Variants in RIMS2 observed in about 807,000 individuals in gnomAD.
RIMS2 encodes the protein regulating synaptic membrane exocytosis protein 2.
In RIMS2, 59 loss-of-function variants were observed where a neutral mutation model predicts 174.4. The observed-to-expected ratio is 0.34, with a 90% confidence interval of 0.27 to 0.42. The LOEUF (loss-of-function observed/expected upper bound fraction) is 0.42. RIMS2 is among the 10% of genes least tolerant of loss of function. The pLI, the probability that RIMS2 is intolerant of heterozygous loss-of-function variation, is 1.00. For synonymous variants in RIMS2, 606 were observed against 572.5 expected, an observed-to-expected ratio of 1.06 and a Z score of -0.84; for missense variants, 1,620 against 1,666.3, an observed-to-expected ratio of 0.97 and a Z score of 0.48.
At chr8:104,076,158 A>G (rs1016831807) in intron 19 of RIMS2, among the ~76,000 whole-genome samples, 1 of 152,232 alleles carries the variant, frequency 6.6e-6, no homozygotes, top group Non-Finnish European at 1.5e-5. Flanking sequence ...ACGAGATGCT[A>G]ATGGTAATCT....
intron 19 of RIMS2, among the ~76,000 whole-genome samples, chr8:104,142,120 C>CTTTTTTTTT (rs71297257): frequency 7.6e-6 from 1 of 131,996 alleles, no homozygotes; most frequent in African/African-American, 2.9e-5. Context: ...AAATATCTTC[C>CTTTTTTTTT]TTTTTTTTTT....
intron 3 of RIMS2, among the ~76,000 whole-genome samples, chr8:103,783,198 C>T (rs1173981482): frequency 6.6e-6 from 1 of 151,960 alleles, no homozygotes; most frequent in Non-Finnish European, 1.5e-5. Flanking sequence ...TGCCCTCAGC[C>T]CTTAGGGGCT....
At chr8:104,006,610 C>T (rs1026389464) in intron 17 of RIMS2, among the ~76,000 whole-genome samples, 28 of 149,126 alleles carry the variant, frequency 1.9e-4, no homozygotes, top group Non-Finnish European at 2.7e-4. Flanking sequence ...TTCAAGCTAA[C>T]TTGAGAGTGA....
At chr8:104,247,125 A>G (rs2140144618) in intron 20 of RIMS2, among the ~76,000 whole-genome samples, 1 of 152,312 alleles carries the variant, frequency 6.6e-6, no homozygotes, top group African/African-American at 2.4e-5. Flanking sequence ...CAGATTCTGA[A>G]TGTATTTTGA....
At chr8:103,512,604 C>A (rs1395787138) in intron 1 of RIMS2, among the ~76,000 whole-genome samples, 1 of 151,726 alleles carries the variant, frequency 6.6e-6, no homozygotes, top group Non-Finnish European at 1.5e-5. Flanking sequence ...ATTTTGTTGG[C>A]CAAAGCAAAT....
intron 2 of RIMS2, among the ~76,000 whole-genome samples, chr8:103,697,719 C>A (rs1336891207): frequency 1.3e-5 from 2 of 151,956 alleles, no homozygotes; most frequent in African/African-American, 4.8e-5. Context: ...CAGAGTGAAA[C>A]CTTGTCTCAA....
chr8:103,584,010 G>A (rs1012219520), intron 1 of RIMS2, among the ~76,000 whole-genome samples: 4 of 152,092 alleles, frequency 2.6e-5, no homozygotes, highest in African/African-American at 9.7e-5. Context: ...TATTTAAACA[G>A]ATTTAAACTA....
At chr8:103,743,555 G>A (rs985332575) in intron 2 of RIMS2, among the ~76,000 whole-genome samples, 4 of 64,052 alleles carry the variant, frequency 6.2e-5, no homozygotes, top group East Asian at 7.1e-4. Context: ...CGTATAATTA[G>A]CATCTATATT....
chr8:103,531,651 AT>A (rs1226090164), intron 1 of RIMS2, among the ~76,000 whole-genome samples: 1 of 152,244 alleles, frequency 6.6e-6, no homozygotes, highest in Non-Finnish European at 1.5e-5. Flanking sequence ...TCAAAAGAAT[AT>A]GACTCATAAA....
chr8:103,568,542 G>T, intron 1 of RIMS2: 1 of 432,204 alleles, frequency 2.3e-6, no homozygotes, highest in Admixed American at 2.9e-5. Flanking sequence ...AGTATTCACT[G>T]GTGCTATAAG....
chr8:103,770,573 T>C (rs1332169558), intron 3 of RIMS2, among the ~76,000 whole-genome samples: 19 of 151,886 alleles, frequency 1.3e-4, no homozygotes, highest in Admixed American at 1.2e-3. Flanking sequence ...CGAAACTCTG[T>C]CTCAAAAAAA....
At chr8:103,554,137 T>C (rs549425568) in intron 1 of RIMS2, among the ~76,000 whole-genome samples, 2 of 152,096 alleles carry the variant, frequency 1.3e-5, no homozygotes, top group East Asian at 3.9e-4. Flanking sequence ...ACATAGGCCC[T>C]GGTGAAGATT....
At chr8:103,801,678 A>G (rs1215665392) in intron 3 of RIMS2, among the ~76,000 whole-genome samples, 1 of 152,140 alleles carries the variant, frequency 6.6e-6, no homozygotes, top group Non-Finnish European at 1.5e-5. Flanking sequence ...GAGATATTCA[A>G]TCATTGTCAT....
intron 19 of RIMS2, among the ~76,000 whole-genome samples, chr8:104,228,561 T>G (rs574978832): frequency 5.3e-5 from 8 of 152,326 alleles, no homozygotes; most frequent in African/African-American, 1.7e-4. Flanking sequence ...TGATATTCAG[T>G]GTCTATTAAT....
At chr8:104,151,874 G>C (rs561290796) in intron 19 of RIMS2, among the ~76,000 whole-genome samples, 1 of 151,984 alleles carries the variant, frequency 6.6e-6, no homozygotes, top group African/African-American at 2.4e-5. Flanking sequence ...AGAATTGCGC[G>C]GAGGAAGAGC....
Position 104,189,181 on chromosome 8 carries a change from A to G in RIMS2, c.3335-55735A>G, listed in dbSNP as rs114863612. ...GTTATCCTGCAAGATGGATATTTCT[A>G]TGGGAATCAAAGAAAGAAAAAGAAG... On this transcript the variant is annotated intron_variant, in intron 19 of 23. Coordinates refer to ENST00000504942, the Ensembl canonical transcript of RIMS2. Among the ~76,000 whole-genome samples, 699 of 152,142 alleles carry G rather than the reference A, an allele frequency of 4.6e-3. 9 individuals are homozygous for G. Among genetic ancestry groups the G allele is most frequent in the African/African-American group, 0.016 (655 of 41,542 alleles).
At chr8:103,567,874 C>T (rs1235560549) in intron 1 of RIMS2, among the ~76,000 whole-genome samples, 1 of 152,106 alleles carries the variant, frequency 6.6e-6, no homozygotes, top group Non-Finnish European at 1.5e-5. Flanking sequence ...AAGTAGTATC[C>T]CACTGTGGGT....
chr8:103,915,532 G>C (rs764327980), exon 7 of RIMS2: 7 of 1,607,326 alleles, frequency 4.4e-6, no homozygotes, highest in Non-Finnish European at 6.0e-6. Context: ...GGTCGGCTTT[G>C]TGCATTTATT....
At chr8:104,232,348 C>T (rs2099235109) in intron 19 of RIMS2, among the ~76,000 whole-genome samples, 1 of 152,216 alleles carries the variant, frequency 6.6e-6, no homozygotes, top group Admixed American at 6.5e-5. Flanking sequence ...GTTGTGTATA[C>T]TTAGCTTAAT....
Sources: allele counts gnomAD v4.1 joint callset (sites outside exome capture counted in the v4.1 genomes callset), GRCh38; gene constraint gnomAD v4.1.1; transcripts MANE v1.5; gene names NCBI Gene and HGNC (gene_info 2026-07-23, HGNC 2026-07-21).